DGKB: variants seen among roughly 807,000 people sequenced by gnomAD.
DGKB encodes the protein 90 kDa diacylglycerol kinase.
In DGKB, 67 loss-of-function variants were observed where a neutral mutation model predicts 114.3. The observed-to-expected ratio is 0.59, with a 90% CI of 0.48 to 0.72. DGKB has a LOEUF of 0.72. DGKB is among the 30% of genes least tolerant of loss of function. The pLI is 0.00. For missense variants in DGKB, 907 were observed against 975.2 expected (o/e 0.93, Z 0.93); for synonymous variants, 398 against 323.1 (o/e 1.23, Z -2.49).
At chr7:14,572,579 T>A (rs537594423) in intron 20 of DGKB, among the ~76,000 whole-genome samples, 3 of 151,976 alleles carry the variant, frequency 2.0e-5, no homozygotes, top group Admixed American at 1.3e-4. Context: ...AGTTAAAAAG[T>A]CTGGTAACCA....
At chr7:14,860,842 G>A (rs1289034348) in intron 1 of DGKB, among the ~76,000 whole-genome samples, 1 of 151,716 alleles carries the variant, frequency 6.6e-6, no homozygotes, top group African/African-American at 2.4e-5. Context: ...AAATATGGAT[G>A]CATACCTAGA....
chr7:14,968,416 T>C (rs1441964154), intron 1 of DGKB, among the ~76,000 whole-genome samples: 1 of 152,168 alleles, frequency 6.6e-6, no homozygotes, highest in Non-Finnish European at 1.5e-5. Context: ...CTCCTTTAAA[T>C]ATAGACGGAA....
chr7:14,245,800 C>A lies in DGKB; in HGVS notation c.2123-67649G>T, dbSNP rs188235952. Among the ~76,000 whole-genome samples, 560 of 151,904 alleles carry A rather than the reference C, an allele frequency of 3.7e-3. 3 individuals are homozygous for A. Among genetic ancestry groups the A allele is most frequent in the African/African-American group, 0.011 (457 of 41,436 alleles). ...AAAATTAGCTGGGCATGGTGGTGTG[C>A]GCCTGTAGTCCCAGCTACTCGAGAG... On this transcript the variant is annotated intron_variant, in intron 23 of 25. Transcript: ENST00000402815.
At position 14,885,405 on chromosome 7, in the gene DGKB, A is replaced by G. The variant is rs113779174; in HGVS notation, c.-188+17187T>C. On this transcript the variant is annotated intron_variant, in intron 1 of 25. Transcript: ENST00000402815. ...GAACCTGGAGTTGTGGATGAAGAAA[A>G]GGTTGGGAGAGAAAGCAATGTTTCT... Among the ~76,000 whole-genome samples the G allele has an allele frequency of 2.2e-3, 341 of 152,028 alleles. 1 individual carries two copies. The highest frequency in any genetic ancestry group is 8.0e-3 in the African/African-American group (331 of 41,506).
intron 5 of DGKB, among the ~76,000 whole-genome samples, chr7:14,722,302 C>A (rs1039875399): frequency 2.6e-5 from 4 of 152,262 alleles, no homozygotes; most frequent in East Asian, 1.9e-4. Flanking sequence ...TCATTTTCTC[C>A]CGGATTTTGC....
chr7:14,243,599 T>C (rs1471092687), intron 23 of DGKB, among the ~76,000 whole-genome samples: 1 of 152,180 alleles, frequency 6.6e-6, no homozygotes, highest in Admixed American at 6.5e-5. Context: ...AAAGCAAATA[T>C]GTGAGACTGT....
At chr7:14,533,363 C>T (rs1187631894) in intron 20 of DGKB, among the ~76,000 whole-genome samples, 1 of 151,452 alleles carries the variant, frequency 6.6e-6, no homozygotes, top group Non-Finnish European at 1.5e-5. Flanking sequence ...GCAAAAAGAA[C>T]AAGAATAAAT....
intron 23 of DGKB, among the ~76,000 whole-genome samples, chr7:14,265,939 G>T (rs918560455): frequency 1.3e-5 from 2 of 152,048 alleles, no homozygotes; most frequent in Non-Finnish European, 2.9e-5. Flanking sequence ...TTACTGCAAG[G>T]GGGTTATATA....
chr7:14,212,449 G>GAT (rs1355842044), intron 23 of DGKB, among the ~76,000 whole-genome samples: 2 of 151,208 alleles, frequency 1.3e-5, no homozygotes, highest in Admixed American at 6.6e-5. Context: ...CATGTTTTGT[G>GAT]TTCCTCTACA....
At chr7:14,598,121 C>T (rs184498714) in intron 17 of DGKB, among the ~76,000 whole-genome samples, 3 of 152,282 alleles carry the variant, frequency 2.0e-5, no homozygotes, top group East Asian at 3.9e-4. Flanking sequence ...TCTAATGTCT[C>T]ACCTTCATCC....
chr7:14,282,822 C>T (rs909374825), intron 23 of DGKB, among the ~76,000 whole-genome samples: 1 of 152,090 alleles, frequency 6.6e-6, no homozygotes, highest in Non-Finnish European at 1.5e-5. Flanking sequence ...ACCTTTCATG[C>T]TAAAAACGCT....
intron 23 of DGKB, among the ~76,000 whole-genome samples, chr7:14,270,287 C>G (rs1798100700): frequency 6.6e-6 from 1 of 152,134 alleles, no homozygotes; most frequent in Admixed American, 6.5e-5. Flanking sequence ...TTCTCCTAAC[C>G]AATTTCCTCT....
At chr7:14,529,598 T>A (rs184852181) in intron 20 of DGKB, among the ~76,000 whole-genome samples, 22 of 151,808 alleles carry the variant, frequency 1.4e-4, no homozygotes, top group African/African-American at 4.8e-4. Context: ...ATTGGAGCAA[T>A]AGTTATAAAT....
intron 1 of DGKB, among the ~76,000 whole-genome samples, chr7:14,892,249 T>C (rs1413839880): frequency 6.6e-6 from 1 of 151,248 alleles, no homozygotes; most frequent in Non-Finnish European, 1.5e-5. Flanking sequence ...ATGGAGGCAA[T>C]GCCCAGTGGA....
intron 4 of DGKB, among the ~76,000 whole-genome samples, chr7:14,743,620 T>G (rs1242708509): frequency 6.6e-6 from 1 of 152,188 alleles, no homozygotes. Context: ...AAATGATGTT[T>G]AATTTTCTTC....
intron 21 of DGKB, among the ~76,000 whole-genome samples, chr7:14,357,467 C>T (rs1814796137): frequency 6.6e-6 from 1 of 152,146 alleles, no homozygotes; most frequent in South Asian, 2.1e-4. Context: ...TCCTCCATCC[C>T]TTTATTTTGA....
At chr7:14,174,415 C>CT (rs1781432579) in intron 25 of DGKB, among the ~76,000 whole-genome samples, 1 of 152,078 alleles carries the variant, frequency 6.6e-6, no homozygotes, top group Non-Finnish European at 1.5e-5. Flanking sequence ...ATTCTAAGAA[C>CT]TTTTTTTAGG....
intron 23 of DGKB, among the ~76,000 whole-genome samples, chr7:14,290,665 T>C (rs1171708516): frequency 1.3e-5 from 2 of 152,152 alleles, no homozygotes; most frequent in African/African-American, 4.8e-5. Flanking sequence ...CTAACTACTC[T>C]TCACATGCTA....
At chr7:14,921,194 G>C (rs1337504632) in intron 1 of DGKB, among the ~76,000 whole-genome samples, 1 of 152,152 alleles carries the variant, frequency 6.6e-6, no homozygotes, top group African/African-American at 2.4e-5. Flanking sequence ...TGGTGAGTAG[G>C]TGAGATTTTT....
Sources: allele counts gnomAD v4.1 joint callset (sites outside exome capture counted in the v4.1 genomes callset), GRCh38; gene constraint gnomAD v4.1.1; transcripts MANE v1.5; gene names NCBI Gene and HGNC (gene_info 2026-07-23, HGNC 2026-07-21).